PIAS2: variants seen among roughly 807,000 people sequenced by gnomAD.
PIAS2 encodes protein inhibitor of activated STAT 2.
A neutral mutation model predicts 69.7 loss-of-function variants in PIAS2; 19 were observed. That is an observed-to-expected ratio of 0.27 (90% CI 0.19 to 0.40). The LOEUF is 0.40. Ranked by LOEUF, PIAS2 falls within the 10% of genes least tolerant of loss-of-function variation. PIAS2 has a pLI of 1.00. For synonymous variants in PIAS2, 261 were observed against 263.2 expected (o/e 0.99, Z 0.08); for missense variants, 624 against 757.0 (o/e 0.82, Z 2.06).
At position 46,803,405 on chromosome 18, in the gene PIAS2, T is replaced by C. The variant is rs1005702362; in HGVS notation, c.*9028A>G. 2 of 152,240 alleles carry C rather than the reference T, an allele frequency of 1.3e-5. No individual in the cohort carries two copies. The highest frequency in any genetic ancestry group is 2.9e-5 in the Non-Finnish European group (2 of 68,042). The allele number at this position is 152,240 out of a possible 1,614,324, so 9.4% of individuals were successfully genotyped here. ...TTGAAATACTCTATTTTTTGGCCTC[T>C]GTAATACCACGTTATTTTCCTTCAG... On this transcript the variant is annotated 3_prime_UTR_variant, in exon 14 of 14. Coordinates refer to ENST00000585916, the MANE Select transcript of PIAS2 (RefSeq NM_004671.5).
chr18:46,858,168 G>A (rs2048116069), intron 3 of PIAS2, among the ~76,000 whole-genome samples: 1 of 151,744 alleles, frequency 6.6e-6, no homozygotes. Flanking sequence ...AAACACAAAT[G>A]GGAAAGCCTA....
intron 1 of PIAS2, among the ~76,000 whole-genome samples, chr18:46,911,218 T>A (rs1378285036): frequency 6.6e-6 from 1 of 151,548 alleles, no homozygotes; most frequent in Non-Finnish European, 1.5e-5. Flanking sequence ...ATATTTCTTT[T>A]TTTTTTTTTT....
chr18:46,810,505 C>G lies in PIAS2; in HGVS notation c.*1928G>C, dbSNP rs184718591. ...CTATATCTGGACCAAAAAACTGCAACATGGTTTGGAAATCTAATGACTAAG... is the reference window on the plus strand; with the variant it reads ...CTATATCTGGACCAAAAAACTGCAAGATGGTTTGGAAATCTAATGACTAAG... On this transcript the variant is annotated 3_prime_UTR_variant, in exon 14 of 14. Transcript: ENST00000585916. 2.0e-5 allele frequency: 3 copies of G among 152,152 alleles called. No homozygotes were observed. The highest frequency in any genetic ancestry group is 2.0e-4 in the Admixed American group (3 of 15,278). 9.4% of individuals were successfully genotyped at this position (152,152 alleles called of 1,614,324 possible). A position where few individuals can be genotyped will look rare whatever the true frequency, so the allele number is the denominator to read the frequency against.
chr18:46,891,246 G>T (rs141144978), intron 1 of PIAS2, 192 bp from the exon 2 acceptor site: 5 of 683,640 alleles, frequency 7.3e-6, no homozygotes, highest in Non-Finnish European at 1.3e-5. Context: ...TCAAGTTACG[G>T]TGTTAATTAT....
chr18:46,841,321 A>G (rs531101361), intron 8 of PIAS2, among the ~76,000 whole-genome samples: 6 of 152,284 alleles, frequency 3.9e-5, no homozygotes, highest in African/African-American at 1.4e-4. Context: ...CTATCACCCT[A>G]CACTATCATT....
chr18:46,827,014 A>T (rs1270034136), intron 11 of PIAS2: 1 of 152,206 alleles, frequency 6.6e-6, no homozygotes, highest in Non-Finnish European at 1.5e-5. Flanking sequence ...GGTGTTGAAA[A>T]TATTCTACTA....
At chr18:46,884,179 G>C (rs892177556) in intron 2 of PIAS2, among the ~76,000 whole-genome samples, 2 of 152,112 alleles carry the variant, frequency 1.3e-5, no homozygotes, top group Non-Finnish European at 2.9e-5. Context: ...TCAGAAAGTA[G>C]CAGCTTCACA....
At chr18:46,814,347 A>G (rs917941372) in intron 13 of PIAS2, among the ~76,000 whole-genome samples, 1 of 152,194 alleles carries the variant, frequency 6.6e-6, no homozygotes, top group Non-Finnish European at 1.5e-5. Context: ...AGGTTCCAAG[A>G]TAATTTTTTT....
intron 1 of PIAS2, 43 bp from the exon 2 acceptor site, chr18:46,891,097 G>A: frequency 7.4e-7 from 1 of 1,354,074 alleles, no homozygotes; most frequent in Non-Finnish European, 1.0e-6. Flanking sequence ...TCACCCTCAA[G>A]CATACAAAAA....
chr18:46,858,613 A>G (rs780071085), intron 3 of PIAS2, among the ~76,000 whole-genome samples: 2 of 152,150 alleles, frequency 1.3e-5, no homozygotes, highest in Non-Finnish European at 2.9e-5. Context: ...GGGAGGATCA[A>G]TTGAGCCCGG....
chr18:46,815,289 T>C (rs2041388115), intron 13 of PIAS2, 23 bp downstream of exon 13: 2 of 1,601,178 alleles, frequency 1.2e-6, no homozygotes, highest in Middle Eastern at 1.7e-4. Context: ...TACAAATTAG[T>C]TGCTTAAATT....
intron 3 of PIAS2, among the ~76,000 whole-genome samples, chr18:46,857,104 G>A (rs2047957934): frequency 6.6e-6 from 1 of 152,238 alleles, no homozygotes; most frequent in South Asian, 2.1e-4. Flanking sequence ...GCTGGCTGCT[G>A]TGACTGTTTC....
At chr18:46,844,904 ATACT>A in intron 6 of PIAS2, 65 bp from the exon 7 acceptor site, 2 of 605,506 alleles carry the variant, frequency 3.3e-6, no homozygotes, top group Non-Finnish European at 5.4e-6. Context: ...TTTACATGAA[ATACT>A]TATTTAAGAA....
intron 1 of PIAS2, among the ~76,000 whole-genome samples, chr18:46,896,588 T>C (rs1904430077): frequency 6.6e-6 from 1 of 152,164 alleles, no homozygotes; most frequent in Non-Finnish European, 1.5e-5. Flanking sequence ...AAACATGAAA[T>C]TCAAAAAACA....
intron 8 of PIAS2, among the ~76,000 whole-genome samples, chr18:46,842,920 T>C (rs1261411212): frequency 1.3e-5 from 2 of 152,204 alleles, no homozygotes; most frequent in Non-Finnish European, 2.9e-5. Context: ...GGCAAATTCA[T>C]GTTTTTAAGT....
At chr18:46,816,604 T>G (rs545741900) in intron 12 of PIAS2, 5 of 254,608 alleles carry the variant, frequency 2.0e-5, no homozygotes, top group Non-Finnish European at 3.1e-5. Flanking sequence ...GAGCTACAGG[T>G]GTGTGTCACT....
chr18:46,861,105 C>T (rs779127635), intron 3 of PIAS2, among the ~76,000 whole-genome samples: 51 of 152,046 alleles, frequency 3.4e-4, no homozygotes, highest in Non-Finnish European at 6.2e-4. Context: ...CATGGTGAAA[C>T]CCTTTCTCTA....
intron 1 of PIAS2, among the ~76,000 whole-genome samples, chr18:46,895,841 C>A (rs185861526): frequency 3.3e-5 from 5 of 152,136 alleles, no homozygotes; most frequent in Non-Finnish European, 5.9e-5. Context: ...CATTGGAGGC[C>A]CCAGTTCCTG....
At chr18:46,824,296 G>C (rs590923) in intron 11 of PIAS2, among the ~76,000 whole-genome samples, 68,647 of 151,916 alleles carry the variant, frequency 0.45, 15,558 homozygotes, top group Middle Eastern at 0.53. Flanking sequence ...CCCACTTTAT[G>C]ATCATAAAAG....
Sources: gnomAD v4.1 joint callset for allele counts (sites outside exome capture counted in the v4.1 genomes callset) on GRCh38, gnomAD v4.1.1 for gene constraint, MANE v1.5 for transcripts, NCBI Gene and HGNC (gene_info 2026-07-23, HGNC 2026-07-21) for gene names.